Variants in TBC1D24 observed in about 807,000 individuals in gnomAD.
TBC1D24 encodes Infantile myoclonic epilepsy.
In TBC1D24, 47 loss-of-function variants were observed where a neutral mutation model predicts 50.7. That is an observed-to-expected ratio of 0.93 (90% CI 0.73 to 1.18). TBC1D24 has a LOEUF of 1.18. Ranked by LOEUF, TBC1D24 falls within the 50% of genes most tolerant of loss-of-function variation. The pLI is 0.00. For missense variants in TBC1D24, 688 were observed against 766.5 expected (o/e 0.90, Z 1.21); for synonymous variants, 324 against 335.2 (o/e 0.97, Z 0.36).
At position 2,500,231 on chromosome 16, in the gene TBC1D24, G is replaced by A. The variant is rs757476536; in HGVS notation, c.1303-37G>A. On this transcript the variant is annotated intron_variant, in intron 6 of 7. Coordinates refer to ENST00000646147, the MANE Select transcript of TBC1D24 (RefSeq NM_001199107.2). This position sits in a 1 kb window ranked among gnomAD's most constrained non-coding sequence, Gnocchi z 8.0. ...CTCTGGGGCAGAGGGGCCTGCGAACGCCCGCGCCAGCTCCTCACACTCCCC... is the reference window on the plus strand; with the variant it reads ...CTCTGGGGCAGAGGGGCCTGCGAACACCCGCGCCAGCTCCTCACACTCCCC... 10 of 1,533,144 alleles carry A rather than the reference G, an allele frequency of 6.5e-6. No individual in the cohort carries two copies. Among genetic ancestry groups the A allele is most frequent in the South Asian group, 1.2e-5 (1 of 84,416 alleles). The allele number at this position is 1,533,144 out of a possible 1,614,324, so 95.0% of individuals were successfully genotyped here.
At chr16:2,492,641 T>C (rs2065704843) in intron 1 of TBC1D24, among the ~76,000 whole-genome samples, 1 of 152,180 alleles carries the variant, frequency 6.6e-6, no homozygotes, top group Non-Finnish European at 1.5e-5. Context: ...CAGGCGTGGC[T>C]GTGCGCATGT....
intron 1 of TBC1D24, among the ~76,000 whole-genome samples, chr16:2,494,196 G>A (rs189843987): frequency 1.6e-4 from 25 of 152,220 alleles, no homozygotes; most frequent in African/African-American, 3.9e-4. Context: ...GGTGGATCAC[G>A]AGATCAGGAG....
In TBC1D24 at chr16:2,487,188, T is replaced by C. The variant is rs1477640414; in HGVS notation, c.-115-8846T>C. On this transcript the variant is annotated intron_variant, in intron 1 of 7. Coordinates refer to ENST00000646147, the MANE Select transcript of TBC1D24 (RefSeq NM_001199107.2). This position sits in a 1 kb window ranked among gnomAD's most constrained non-coding sequence, Gnocchi z 4.1. ...CCCACCCACAGGCTGCCTCCACACCTTTCCGCCCCTTCCACAGCAGCAGGC... is the reference window on the plus strand; with the variant it reads ...CCCACCCACAGGCTGCCTCCACACCCTTCCGCCCCTTCCACAGCAGCAGGC... 1.3e-5 allele frequency among the ~76,000 whole-genome samples: 2 copies of C among 152,208 alleles called. No individual in the cohort carries two copies.
intron 3 of TBC1D24, 62 bp from the exon 4 acceptor site, chr16:2,498,176 C>T (rs1207910152): frequency 2.7e-5 from 41 of 1,541,608 alleles, no homozygotes; most frequent in Middle Eastern, 1.9e-4. Flanking sequence ...GGGCATACCT[C>T]GGGGGGCATG....
rs537761865 is a variant in TBC1D24, at chr16:2,489,507, G to A, written c.-115-6527G>A. Among the ~76,000 whole-genome samples the A allele has an allele frequency of 7.6e-4, 115 of 152,300 alleles. 4 individuals carry two copies. In the South Asian group the frequency reaches 0.023, roughly 30 times the overall value. On this transcript the variant is annotated intron_variant, in intron 1 of 7. Transcript: ENST00000646147. The stretch of plus-strand genomic sequence containing the variant: ...ACAAACATTTGCTTCTGATCTGCAG[G>A]TACCTTGAGCTCTCAAACAGGCGTG...
rs2065627320 is a variant in TBC1D24 at position 2,483,686 on chromosome 16, A to G, written c.-116+8516A>G. ...TGGCCCTCAAGGGAGGGCAGCACAG[A>G]GAGGAAGGCCCTGAGCTGGAGAGAG... On this transcript the variant is annotated intron_variant, in intron 1 of 7. Coordinates refer to ENST00000646147, the MANE Select transcript of TBC1D24 (RefSeq NM_001199107.2). The surrounding 1 kb of genome is among the most constrained non-coding windows in gnomAD (Gnocchi z 4.0). The G allele has an allele frequency of 6.6e-6, 1 of 152,500 alleles. No individual in the cohort carries two copies. The highest frequency in any genetic ancestry group is 1.5e-5 in the Non-Finnish European group (1 of 68,282). The allele number at this position is 152,500 out of a possible 1,614,324, so 9.4% of individuals were successfully genotyped here.
intron 4 of TBC1D24, among the ~76,000 whole-genome samples, chr16:2,498,729 ACAT>A (rs2065765572): frequency 1.3e-5 from 2 of 152,240 alleles, no homozygotes; most frequent in Admixed American, 1.3e-4. Context: ...CCTGTCATCC[ACAT>A]GGTGCTCTGT....
In TBC1D24 at chr16:2,503,131, C is replaced by A. The variant is rs1485898212; in HGVS notation, c.*2173C>A. 6.6e-6 allele frequency: 1 copy of A among 152,256 alleles called. No individual in the cohort carries two copies. The highest frequency in any genetic ancestry group is 1.5e-5 in the Non-Finnish European group (1 of 68,046). The allele number at this position is 152,256 out of a possible 1,614,324, so 9.4% of individuals were successfully genotyped here. A position where few individuals can be genotyped will look rare whatever the true frequency, so the allele number is the denominator to read the frequency against. On this transcript the variant is annotated 3_prime_UTR_variant, in exon 8 of 8. Transcript: ENST00000646147. Reference sequence around the variant, plus strand: ...GTCCAGCAGGTTCTGCGTGGCTGCCCCCAGGGGGCCCCACCCGGGCCTTCC... The same window carrying A: ...GTCCAGCAGGTTCTGCGTGGCTGCCACCAGGGGGCCCCACCCGGGCCTTCC...
At chr16:2,494,027 G>A (rs1350637265) in intron 1 of TBC1D24, among the ~76,000 whole-genome samples, 2 of 151,922 alleles carry the variant, frequency 1.3e-5, no homozygotes, top group African/African-American at 2.4e-5. Flanking sequence ...TTTCAAGCTG[G>A]TGGTTTTAGA....
chr16:2,492,859 G>C (rs1384688585), intron 1 of TBC1D24, among the ~76,000 whole-genome samples: 4 of 152,146 alleles, frequency 2.6e-5, no homozygotes, highest in African/African-American at 9.6e-5. Flanking sequence ...TTGGGAGGCT[G>C]AGGCGGGCGG....
At chr16:2,492,154 T>A (rs1351331298) in intron 1 of TBC1D24, among the ~76,000 whole-genome samples, 13 of 152,186 alleles carry the variant, frequency 8.5e-5, no homozygotes. Context: ...CTGGTTTTTA[T>A]AGATGCCTTA....
Position 2,486,009 on chromosome 16 carries a change from C to T in TBC1D24, c.-115-10025C>T. Among the ~76,000 whole-genome samples, 1 of 152,220 alleles carries T rather than the reference C, an allele frequency of 6.6e-6. No homozygotes were observed. Among genetic ancestry groups the T allele is most frequent in the Non-Finnish European group, 1.5e-5 (1 of 68,038 alleles). ...ATCCCTGGATCTTGCGGATCTCGCG[C>T]CCGGGCTGGAATGCCTGTGCTGCCC... On this transcript the variant is annotated intron_variant, in intron 1 of 7. Transcript: ENST00000646147. The surrounding 1 kb of genome is among the most constrained non-coding windows in gnomAD (Gnocchi z 5.8).
intron 1 of TBC1D24, among the ~76,000 whole-genome samples, chr16:2,491,396 T>C (rs573692634): frequency 6.6e-6 from 1 of 152,050 alleles, no homozygotes; most frequent in Admixed American, 6.6e-5. Flanking sequence ...CATTTTATTT[T>C]TTTTTTCAGA....
chr16:2,497,215 CCATGGTCCACCCAGCCATCTGTG>C lies in TBC1D24; in HGVS notation c.965+108_965+130del, dbSNP rs1299579279. 3.4e-6 allele frequency: 5 copies of C among 1,468,614 alleles called. No homozygotes were observed. The Admixed American group carries it at 8.7e-5, about 26-fold the overall frequency. The allele number at this position is 1,468,614 out of a possible 1,614,324, so 91.0% of individuals were successfully genotyped here. A position where few individuals can be genotyped will look rare whatever the true frequency, so the allele number is the denominator to read the frequency against. On this transcript the variant is annotated intron_variant, in intron 2 of 7. Coordinates refer to ENST00000646147, the MANE Select transcript of TBC1D24 (RefSeq NM_001199107.2). ...CTGCCGGCCTCCAGGCGGCCTCTGC[CCATGGTCCACCCAGCCATCTGTG>C]CATGGCTGAAAAGACACTGAAACAG...
intron 1 of TBC1D24, chr16:2,484,115 C>A (rs2141856593): frequency 6.6e-6 from 1 of 152,362 alleles, no homozygotes; most frequent in East Asian, 1.9e-4. Context: ...ATGCAGCAGA[C>A]CCCTGGTGGT....
intron 1 of TBC1D24, chr16:2,481,910 C>T (rs2141854279): frequency 6.6e-6 from 1 of 152,412 alleles, no homozygotes. Context: ...CCTTCTGTAC[C>T]TGGCATGTGC....
chr16:2,495,482 CA>C (rs2065729313), intron 1 of TBC1D24, among the ~76,000 whole-genome samples: 1 of 150,412 alleles, frequency 6.6e-6, no homozygotes. Context: ...CCTGTCTCTA[CA>C]AAAAAATAAA....
chr16:2,497,038 G>A lies in TBC1D24; in HGVS notation c.890G>A (p.Arg297His), dbSNP rs760666914. ...GCGTTCGCCATCCGCCTCTTCTCCC[G>A]CAAGGAGATCCAGCTCCTGCAGATG... is the stretch of plus-strand genomic sequence containing the variant. ...EKAFAIRLFS[R>H]KEIQLLQMAN... The change falls in exon 2 of 8, where the codon CGC becomes CAC. Residue 297 changes from arginine (R) to histidine (H), a missense_variant. Arg to His is a conservative substitution (Grantham distance 29). Coordinates refer to ENST00000646147, the MANE Select transcript of TBC1D24 (RefSeq NM_001199107.2). 24 of 1,613,274 alleles carry A rather than the reference G, an allele frequency of 1.5e-5. No homozygotes were observed. Among genetic ancestry groups the A allele is most frequent in the Admixed American group, 3.3e-5 (2 of 60,022 alleles).
chr16:2,482,621 C>G lies in TBC1D24; in HGVS notation c.-116+7451C>G, dbSNP rs1170718256. Among the ~76,000 whole-genome samples the G allele has an allele frequency of 6.6e-6, 1 of 152,012 alleles. No individual in the cohort carries two copies. Among genetic ancestry groups the G allele is most frequent in the Admixed American group, 6.6e-5 (1 of 15,266 alleles). On this transcript the variant is annotated intron_variant, in intron 1 of 7. Coordinates refer to ENST00000646147, the MANE Select transcript of TBC1D24 (RefSeq NM_001199107.2). The surrounding 1 kb of genome is among the most constrained non-coding windows in gnomAD (Gnocchi z 5.2). The stretch of plus-strand genomic sequence containing the variant: ...GAGGGTTTCGGGTGGAGAACGGTGA[C>G]CGGGTGAAGCCCTGAGTGGGCAGGA...
Sources: gnomAD v4.1 joint callset for allele counts (sites outside exome capture counted in the v4.1 genomes callset) on GRCh38, gnomAD v4.1.1 for gene constraint, Gnocchi (gnomAD v3.1) non-coding constraint, MANE v1.5 for transcripts, NCBI Gene and HGNC (gene_info 2026-07-23, HGNC 2026-07-21) for gene names.